MEI4: variants seen among roughly 807,000 people sequenced by gnomAD.
MEI4 encodes meiotic double-stranded break formation protein 4, also known as meiosis-specific protein MEI4.
In MEI4, 27 loss-of-function variants were observed where a neutral mutation model predicts 31.4. The observed-to-expected ratio is 0.86, with a 90% confidence interval of 0.63 to 1.19. MEI4 has a LOEUF of 1.19. Ranked by LOEUF, MEI4 falls within the 50% of genes most tolerant of loss-of-function variation. The pLI, the probability that MEI4 is intolerant of heterozygous loss-of-function variation, is 0.00. For missense variants in MEI4, 329 were observed against 398.9 expected (o/e 0.82, Z 1.49); for synonymous variants, 122 against 145.4 (o/e 0.84, Z 1.16).
rs567298373 is a variant in MEI4, at chr6:77,802,716, A to C, written c.769-26215A>C. On this transcript the variant is annotated intron_variant, in intron 3 of 4. Coordinates refer to ENST00000684080, the MANE Select transcript of MEI4 (RefSeq NM_001322247.2). ...TGCTTATCTGTAAAGGATTTTATTTATCCTTCACTTCTGAAGCTTAGTTTA... is the reference window on the plus strand; with the variant it reads ...TGCTTATCTGTAAAGGATTTTATTTCTCCTTCACTTCTGAAGCTTAGTTTA... Among the ~76,000 whole-genome samples the C allele has an allele frequency of 8.2e-4, 125 of 152,182 alleles. 1 individual carries two copies. Among genetic ancestry groups the C allele is most frequent in the African/African-American group, 2.8e-3 (118 of 41,526 alleles).
At chr6:77,742,494 G>C (rs1355611625) in intron 2 of MEI4, among the ~76,000 whole-genome samples, 2 of 151,972 alleles carry the variant, frequency 1.3e-5, no homozygotes, top group Admixed American at 6.6e-5. Flanking sequence ...AAATTTATTT[G>C]AGTTCATTGT....
chr6:77,677,969 G>T (rs552432096), intron 1 of MEI4, among the ~76,000 whole-genome samples: 3 of 152,256 alleles, frequency 2.0e-5, no homozygotes, highest in African/African-American at 7.2e-5. Context: ...CAGAAACCAT[G>T]TTAAGGTAAA....
intron 1 of MEI4, among the ~76,000 whole-genome samples, chr6:77,682,489 A>C (rs1019296373): frequency 1.3e-5 from 2 of 152,168 alleles, no homozygotes; most frequent in African/African-American, 4.8e-5. Flanking sequence ...ATAGTGAAGA[A>C]AGGATGTCTT....
At chr6:77,766,782 G>GA (rs1189064793) in intron 3 of MEI4, among the ~76,000 whole-genome samples, 2 of 152,084 alleles carry the variant, frequency 1.3e-5, no homozygotes, top group East Asian at 1.9e-4. Flanking sequence ...GTTGTATCTT[G>GA]AAACTTATTC....
chr6:77,876,535 T>C (rs1771344325), intron 4 of MEI4, among the ~76,000 whole-genome samples: 1 of 152,194 alleles, frequency 6.6e-6, no homozygotes, highest in Non-Finnish European at 1.5e-5. Flanking sequence ...TATAAATTAC[T>C]CAGTCTGTGG....
intron 4 of MEI4, among the ~76,000 whole-genome samples, chr6:77,894,905 T>C (rs1193860694): frequency 1.3e-5 from 2 of 152,208 alleles, no homozygotes; most frequent in African/African-American, 4.8e-5. Flanking sequence ...GATGCTGTTA[T>C]AGAAAATCTT....
intron 4 of MEI4, among the ~76,000 whole-genome samples, chr6:77,846,842 T>C (rs913948046): frequency 2.0e-5 from 3 of 152,174 alleles, no homozygotes; most frequent in Admixed American, 6.6e-5. Context: ...CTTTGTTACA[T>C]CTTGCAGTAT....
intron 4 of MEI4, among the ~76,000 whole-genome samples, chr6:77,890,111 C>T (rs1771722351): frequency 6.6e-6 from 1 of 152,186 alleles, no homozygotes; most frequent in African/African-American, 2.4e-5. Context: ...TCCACTGGGG[C>T]ACTACCTAGT....
chr6:77,705,198 G>C (rs934396351), intron 2 of MEI4, among the ~76,000 whole-genome samples: 1 of 148,330 alleles, frequency 6.7e-6, no homozygotes, highest in Non-Finnish European at 1.5e-5. Context: ...TACTGCCTTC[G>C]TTTGTTCTTA....
chr6:77,701,867 G>A (rs1766231573), intron 2 of MEI4, among the ~76,000 whole-genome samples: 1 of 152,056 alleles, frequency 6.6e-6, no homozygotes, highest in Non-Finnish European at 1.5e-5. Flanking sequence ...AAGTAGTTAG[G>A]GTTGAACTGA....
intron 4 of MEI4, among the ~76,000 whole-genome samples, chr6:77,851,303 A>G (rs1009303233): frequency 6.6e-5 from 10 of 152,190 alleles, no homozygotes; most frequent in Admixed American, 5.9e-4. Context: ...CCAAAGGATT[A>G]TAAGTCATGC....
chr6:77,681,966 A>C (rs545490800), intron 1 of MEI4, among the ~76,000 whole-genome samples: 1 of 152,336 alleles, frequency 6.6e-6, no homozygotes, highest in Admixed American at 6.5e-5. Context: ...TAATTTATAG[A>C]ACACTTTACA....
At chr6:77,736,310 G>A (rs569980895) in intron 2 of MEI4, among the ~76,000 whole-genome samples, 9 of 152,082 alleles carry the variant, frequency 5.9e-5, no homozygotes, top group South Asian at 2.1e-4. Context: ...ATTACCCTCC[G>A]AGCCATGTGC....
intron 2 of MEI4, among the ~76,000 whole-genome samples, chr6:77,756,013 C>T (rs572057618): frequency 4.6e-5 from 7 of 152,044 alleles, no homozygotes; most frequent in African/African-American, 7.2e-5. Context: ...TTACAGAAAG[C>T]GGCACCAGCA....
At chr6:77,757,710 T>A (rs923667062) in intron 2 of MEI4, among the ~76,000 whole-genome samples, 9 of 152,250 alleles carry the variant, frequency 5.9e-5, no homozygotes, top group African/African-American at 1.9e-4. Context: ...TTCTGTTTTT[T>A]AAATTACTTT....
chr6:77,748,972 A>C (rs759773975), intron 2 of MEI4, among the ~76,000 whole-genome samples: 25 of 152,190 alleles, frequency 1.6e-4, no homozygotes, highest in Non-Finnish European at 2.8e-4. Context: ...GGTGATACCC[A>C]GGAAAACAGG....
intron 4 of MEI4, among the ~76,000 whole-genome samples, chr6:77,863,040 A>C (rs1422836574): frequency 6.6e-6 from 1 of 152,230 alleles, no homozygotes; most frequent in Non-Finnish European, 1.5e-5. Flanking sequence ...AAAACTAACA[A>C]ACAGAAAGGA....
chr6:77,699,460 G>C (rs1036232768), intron 2 of MEI4, among the ~76,000 whole-genome samples: 1 of 152,076 alleles, frequency 6.6e-6, no homozygotes, highest in Non-Finnish European at 1.5e-5. Flanking sequence ...CCAAAGTGCT[G>C]GGATTACAGG....
At chr6:77,773,256 CA>C (rs1226139612) in intron 3 of MEI4, among the ~76,000 whole-genome samples, 1 of 151,870 alleles carries the variant, frequency 6.6e-6, no homozygotes, top group Admixed American at 6.6e-5. Context: ...GCAAAAAGAA[CA>C]AAGATGGAGG....
Sources: gnomAD v4.1 joint callset for allele counts (sites outside exome capture counted in the v4.1 genomes callset) on GRCh38, gnomAD v4.1.1 for gene constraint, MANE v1.5 for transcripts, NCBI Gene and HGNC (gene_info 2026-07-23, HGNC 2026-07-21) for gene names.